RP1: variants seen among roughly 807,000 people sequenced by gnomAD.
RP1 encodes RP1 axonemal microtubule associated.
Under a neutral mutation model 14.8 loss-of-function variants are expected in RP1, and 16 were observed. The observed-to-expected ratio is 1.08, with a 90% CI of 0.73 to 1.65. RP1 has a LOEUF of 1.65. Ranked by LOEUF, RP1 falls within the 40% of genes most tolerant of loss-of-function variation. The pLI is 0.00. For missense variants in RP1, 2,631 were observed against 2,535.0 expected, an observed-to-expected ratio of 1.04 and a Z score of -0.81; for synonymous variants, 876 against 883.6, an observed-to-expected ratio of 0.99 and a Z score of 0.15.
chr8:54,625,211 G>T lies in RP1; in HGVS notation c.1329G>T (p.Lys443Asn). The change falls in exon 4 of 4, where the codon AAG becomes AAT. Residue 443 changes from lysine to asparagine, a missense_variant. Coordinates refer to ENST00000220676, the MANE Select transcript of RP1 (RefSeq NM_006269.2). ...DIIQGTQDQAKHRFYRPPTPG... is the reference protein window; with the variant it reads ...DIIQGTQDQANHRFYRPPTPG... Reference sequence around the variant, plus strand: ...TCCAGGGAACTCAAGACCAAGCAAAGCATCGTTTTTATAGGCCCCCTACAC... The same window carrying T: ...TCCAGGGAACTCAAGACCAAGCAAATCATCGTTTTTATAGGCCCCCTACAC... The T allele has an allele frequency of 6.2e-7, 1 of 1,614,154 alleles. No individual in the cohort carries two copies. The highest frequency in any genetic ancestry group is 8.5e-7 in the Non-Finnish European group (1 of 1,180,040).
chr8:54,806,351 G>A (rs1254971975), intron 24 of RP1, among the ~76,000 whole-genome samples: 1 of 152,050 alleles, frequency 6.6e-6, no homozygotes, highest in Non-Finnish European at 1.5e-5. Context: ...GAGTCAACTG[G>A]AGAGTTTAGC....
intron 26 of RP1, among the ~76,000 whole-genome samples, chr8:54,853,828 C>G (rs1180934577): frequency 3.6e-4 from 24 of 66,418 alleles, no homozygotes; most frequent in Middle Eastern, 0.01. Context: ...GGAAGAGAAA[C>G]AAAGAGAGAG....
intron 6 of RP1, among the ~76,000 whole-genome samples, chr8:54,662,655 T>TA (rs1806927457): frequency 6.6e-6 from 1 of 152,178 alleles, no homozygotes; most frequent in Non-Finnish European, 1.5e-5. Context: ...AGAGGGCTTC[T>TA]ACCGAGCCCC....
intron 16 of RP1, among the ~76,000 whole-genome samples, chr8:54,721,654 G>A (rs530269871): frequency 1.7e-4 from 26 of 152,230 alleles, no homozygotes; most frequent in African/African-American, 6.0e-4. Context: ...CTTCTTTACA[G>A]CCCCTAAAAT....
At chr8:54,754,011 G>A (rs1809439051) in intron 19 of RP1, among the ~76,000 whole-genome samples, 1 of 152,180 alleles carries the variant, frequency 6.6e-6, no homozygotes, top group African/African-American at 2.4e-5. Flanking sequence ...AGGAGGCAAG[G>A]CAAACAATTG....
At chr8:54,612,681 T>G (rs62514597), upstream of RP1, among the ~76,000 whole-genome samples, 2 of 152,144 alleles carry the variant, frequency 1.3e-5, no homozygotes, top group Non-Finnish European at 2.9e-5. Context: ...CTCATCTCAC[T>G]TAAAGTTAAA....
At chr8:54,722,734 G>C (rs753691099) in intron 16 of RP1, among the ~76,000 whole-genome samples, 11 of 152,048 alleles carry the variant, frequency 7.2e-5, no homozygotes, top group Non-Finnish European at 1.6e-4. Flanking sequence ...CAGAGTTAAA[G>C]TTGTGAGGCA....
At chr8:54,692,661 GTTGT>G (rs1235716341) in intron 12 of RP1, among the ~76,000 whole-genome samples, 3 of 136,402 alleles carry the variant, frequency 2.2e-5, no homozygotes, top group African/African-American at 8.7e-5. Flanking sequence ...TTTTGATGGG[GTTGT>G]TTGTTTTTTT....
chr8:54,597,968 C>T (rs956694052), intron 1 of RP1, among the ~76,000 whole-genome samples: 26 of 152,018 alleles, frequency 1.7e-4, no homozygotes, highest in Non-Finnish European at 7.4e-5. Context: ...TGTTTGATTT[C>T]ATAAAGATCT....
intron 22 of RP1, among the ~76,000 whole-genome samples, chr8:54,764,656 A>G (rs1809719696): frequency 6.6e-6 from 1 of 152,198 alleles, no homozygotes; most frequent in Admixed American, 6.5e-5. Context: ...CGTTTCTGAA[A>G]TAGAAGGGAA....
chr8:54,847,411 G>A (rs1811949814), intron 25 of RP1, among the ~76,000 whole-genome samples: 3 of 152,172 alleles, frequency 2.0e-5, no homozygotes, highest in African/African-American at 4.8e-5. Context: ...GGGAAGAAAA[G>A]TCTCAGCTAC....
Position 54,573,839 on chromosome 8 carries a change from C to T in RP1, c.-13+14519C>T, listed in dbSNP as rs115895962. On this transcript the variant is annotated intron_variant, in intron 1 of 22. Coordinates refer to the RP1 transcript ENST00000636932. ...AACTCCAATGTTTAAATGAAGAAAA[C>T]ATAACATAAAGGGGTTAATAGTCTG... Among the ~76,000 whole-genome samples the T allele has an allele frequency of 8.0e-3, 1,217 of 152,198 alleles. 9 individuals carry two copies. Among genetic ancestry groups the T allele is most frequent in the African/African-American group, 0.027 (1,132 of 41,518 alleles).
chr8:54,870,806 C>T (rs1812573330), exon 29 of RP1: 1 of 152,152 alleles, frequency 6.6e-6, no homozygotes, highest in Non-Finnish European at 1.5e-5. Flanking sequence ...TCATCACCCA[C>T]ATTTTGCAGA....
At chr8:54,621,627 C>T in intron 2 of RP1, 46 bp downstream of exon 2, 10 of 1,612,698 alleles carry the variant, frequency 6.2e-6, no homozygotes, top group Non-Finnish European at 8.5e-6. Context: ...TTTTGAGCAC[C>T]CTACTAATTG....
At chr8:54,622,602 G>A (rs1393565958) in intron 3 of RP1, among the ~76,000 whole-genome samples, 1 of 152,328 alleles carries the variant, frequency 6.6e-6, no homozygotes, top group East Asian at 1.9e-4. Flanking sequence ...GTCTGTGTAA[G>A]TCTCTTCTCT....
At chr8:54,672,191 T>G (rs1371890133) in intron 7 of RP1, among the ~76,000 whole-genome samples, 1 of 152,232 alleles carries the variant, frequency 6.6e-6, no homozygotes, top group African/African-American at 2.4e-5. Context: ...AGGGCTGGCC[T>G]CTGTCTTTTA....
Position 54,621,152 on chromosome 8 carries a change from C to T in RP1, c.186C>T (p.Ser62=). The change falls in exon 2 of 4, where the codon TCC becomes TCT. Residue 62 remains serine, a synonymous_variant. Coordinates refer to ENST00000220676, the MANE Select transcript of RP1 (RefSeq NM_006269.2). ...RVVVNPRSFK[S]FDALLDNLSR... The stretch of plus-strand genomic sequence containing the variant: ...TGGTCAACCCTCGCTCCTTTAAGTC[C>T]TTTGATGCTCTGCTGGATAACTTGT... 6.2e-7 allele frequency: 1 copy of T among 1,614,160 alleles called. No homozygotes were observed. The highest frequency in any genetic ancestry group is 8.5e-7 in the Non-Finnish European group (1 of 1,180,034).
chr8:54,814,356 A>G (rs185887558), intron 24 of RP1, among the ~76,000 whole-genome samples: 1 of 152,210 alleles, frequency 6.6e-6, no homozygotes, highest in Non-Finnish European at 1.5e-5. Context: ...CTCAAAAGTA[A>G]AAAATGAACA....
At chr8:54,814,853 T>A (rs1182721641) in intron 24 of RP1, among the ~76,000 whole-genome samples, 1 of 152,094 alleles carries the variant, frequency 6.6e-6, no homozygotes, top group East Asian at 1.9e-4. Context: ...AACACCAACA[T>A]GCACACACTC....
Sources: allele counts gnomAD v4.1 joint callset (sites outside exome capture counted in the v4.1 genomes callset), GRCh38; gene constraint gnomAD v4.1.1; transcripts MANE v1.5; gene names NCBI Gene and HGNC (gene_info 2026-07-23, HGNC 2026-07-21).